DPYSL4: variants seen among roughly 807,000 people sequenced by gnomAD.
The protein encoded by DPYSL4 is dihydropyrimidinase like 4.
DPYSL4 carries 43 observed loss-of-function variants against 63.4 expected under a neutral mutation model. The ratio of observed to expected loss-of-function variants is 0.68; its 90% confidence interval spans 0.53 to 0.88. DPYSL4 has a LOEUF of 0.88. Ranked by LOEUF, DPYSL4 falls within the 40% of genes least tolerant of loss-of-function variation. The pLI is 0.00. For missense variants in DPYSL4, 733 were observed against 819.5 expected (o/e 0.89, Z 1.29); for synonymous variants, 353 against 331.7 (o/e 1.06, Z -0.70).
At chr10:132,202,232 C>T (rs776882638) in intron 11 of DPYSL4, 116 bp downstream of exon 11, 13 of 1,344,352 alleles carry the variant, frequency 9.7e-6, no homozygotes, top group Non-Finnish European at 1.3e-5. Flanking sequence ...TGGCCTCAGC[C>T]ATCCCAGGGC....
At chr10:132,203,442 G>A (rs931545262) in intron 12 of DPYSL4, 3 of 406,902 alleles carry the variant, frequency 7.4e-6, no homozygotes, top group East Asian at 3.7e-5. Flanking sequence ...ACAAGTGCAC[G>A]TGGGGCCTCG....
rs757669088 is a variant in DPYSL4 at position 132,201,976 on chromosome 10, G to A, written c.1141G>A (p.Val381Ile). ...ASGKMDENEF[V>I]AVTSTNAAKI... ...TGGGAAGATGGACGAGAATGAGTTC[G>A]TCGCGGTGACCAGTACAAATGCTGC... is the stretch of plus-strand genomic sequence containing the variant. Residue 381 changes from valine to isoleucine, a missense_variant, in exon 11 of 14, where the codon GTC becomes ATC. Physicochemically the swap from Val to Ile is conservative, Grantham distance 29. Coordinates refer to ENST00000338492, the MANE Select transcript of DPYSL4 (RefSeq NM_006426.3). 2.5e-6 allele frequency: 4 copies of A among 1,613,092 alleles called. No homozygotes were observed. Among genetic ancestry groups the A allele is most frequent in the Non-Finnish European group, 3.4e-6 (4 of 1,179,866 alleles).
intron 1 of DPYSL4, among the ~76,000 whole-genome samples, chr10:132,189,184 T>C (rs1185567212): frequency 2.0e-5 from 3 of 152,262 alleles, no homozygotes; most frequent in South Asian, 4.1e-4. Context: ...CGGACCTCCC[T>C]GTTAAATGCA....
At chr10:132,195,097 C>T in intron 4 of DPYSL4, 88 bp downstream of exon 4, 1 of 1,447,064 alleles carries the variant, frequency 6.9e-7, no homozygotes, top group Non-Finnish European at 9.2e-7. Context: ...GATGGTGCTG[C>T]TCTGCCCTGG....
rs907900815 is a variant in DPYSL4 at position 132,192,862 on chromosome 10, C to G, written c.313+20C>G. 5 of 1,586,378 alleles carry G rather than the reference C, an allele frequency of 3.2e-6. No homozygotes were observed. The African/African-American group carries it at 4.1e-5, about 13-fold the overall frequency. Reference sequence around the variant, plus strand: ...TGATCTGTGAGTGTCTGGGTCTCCTCCTCTACAGGGGGCAGCCAGCGTCTG... The same window carrying G: ...TGATCTGTGAGTGTCTGGGTCTCCTGCTCTACAGGGGGCAGCCAGCGTCTG... On this transcript the variant is annotated intron_variant, in intron 3 of 13. Transcript: ENST00000338492.
chr10:132,200,376 C>T lies in DPYSL4; in HGVS notation c.832C>T (p.Pro278Ser), dbSNP rs1158536211. Reference sequence around the variant, plus strand: ...TGCAGGGGTGGTCGTGTTTGGGGAGCCCATCACCGCCAGCCTGGGCACCGA... The same window carrying T: ...TGCAGGGGTGGTCGTGTTTGGGGAGTCCATCACCGCCAGCCTGGGCACCGA... ...KRRGVVVFGE[P>S]ITASLGTDGS... Residue 278 changes from proline (P) to serine (S), a missense_variant, in exon 9 of 14, where the codon CCC (proline) becomes TCC (serine). Pro to Ser is a moderately conservative substitution (Grantham distance 74). Transcript: ENST00000338492. 8 of 1,613,168 alleles carry T rather than the reference C, an allele frequency of 5.0e-6. No homozygotes were observed. The East Asian group carries it at 1.1e-4, about 22-fold the overall frequency.
At chr10:132,187,277 G>C (rs2061809427) in intron 1 of DPYSL4, among the ~76,000 whole-genome samples, 175 bp downstream of exon 1, 2 of 151,462 alleles carry the variant, frequency 1.3e-5, no homozygotes, top group South Asian at 4.2e-4. Context: ...CAGGGTCCGA[G>C]AGTCCCCGCT....
At position 132,191,572 on chromosome 10, in the gene DPYSL4, AT is replaced by A. The variant is rs57990544; in HGVS notation, c.128+738del. 1.0e-3 allele frequency among the ~76,000 whole-genome samples: 31 copies of A among 30,778 alleles called. 4 individuals are homozygous for A. Among genetic ancestry groups the A allele is most frequent in the East Asian group, 6.0e-3 (1 of 166 alleles). The allele number at this position is 30,778 out of a possible 152,430, so 20.2% of individuals were successfully genotyped here. On this transcript the variant is annotated intron_variant, in intron 2 of 13. Transcript: ENST00000338492. Reference sequence around the variant, plus strand: ...ACATGGTATCCAGGCAGGTTAAAGTATGTTCCCAGCTCGTGTGTACACGCTG... The same window carrying A: ...ACATGGTATCCAGGCAGGTTAAAGTAGTTCCCAGCTCGTGTGTACACGCTG...
At chr10:132,197,888 A>G (rs1423524127) in intron 6 of DPYSL4, among the ~76,000 whole-genome samples, 4 of 152,206 alleles carry the variant, frequency 2.6e-5, no homozygotes, top group Non-Finnish European at 5.9e-5. Flanking sequence ...CTGCACCGTC[A>G]GGAGGTTGTC....
In DPYSL4 at chr10:132,202,122, A is replaced by G; in HGVS notation, c.1281+6A>G. The G allele has an allele frequency of 6.2e-7, 1 of 1,609,194 alleles. No individual in the cohort carries two copies. The highest frequency in any genetic ancestry group is 8.5e-7 in the Non-Finnish European group (1 of 1,177,662). On this transcript the variant is annotated splice_donor_region_variant and intron_variant, in intron 11 of 13. Coordinates refer to ENST00000338492, the MANE Select transcript of DPYSL4 (RefSeq NM_006426.3). ...CTGCCAAGACCCACAATCTGGTAAGAGAAGGCGGCTGTAAGTCAGGGTTGG... is the reference window on the plus strand; with the variant it reads ...CTGCCAAGACCCACAATCTGGTAAGGGAAGGCGGCTGTAAGTCAGGGTTGG...
rs1326980515 is a variant in DPYSL4, at chr10:132,204,948, T to A, written c.*18T>A. 2 of 1,597,028 alleles carry A rather than the reference T, an allele frequency of 1.3e-6. No homozygotes were observed. The highest frequency in any genetic ancestry group is 1.7e-4 in the Middle Eastern group (1 of 5,994). On this transcript the variant is annotated 3_prime_UTR_variant, in exon 14 of 14. Coordinates refer to ENST00000338492, the MANE Select transcript of DPYSL4 (RefSeq NM_006426.3). ...TCTCCTAGACGCCCAGGACCGGCCCTGTGAGCCGTGCTGGCCCCACCCGAG... is the reference window on the plus strand; with the variant it reads ...TCTCCTAGACGCCCAGGACCGGCCCAGTGAGCCGTGCTGGCCCCACCCGAG...
intron 10 of DPYSL4, among the ~76,000 whole-genome samples, chr10:132,201,216 C>T (rs1301579416): frequency 6.6e-6 from 1 of 152,156 alleles, no homozygotes; most frequent in Non-Finnish European, 1.5e-5. Context: ...CACCCCTCAG[C>T]AGACTCTAGT....
rs780035285 is a variant in DPYSL4 at position 132,204,962 on chromosome 10, G to GCC, written c.*35_*36dup. 39 of 1,565,174 alleles carry GCC rather than the reference G, an allele frequency of 2.5e-5. 1 individual carries two copies. In the African/African-American group the frequency reaches 3.3e-4, roughly 13 times the overall value. ...AGGACCGGCCCTGTGAGCCGTGCTG[G>GCC]CCCCACCCGAGGCCGCGGGGGCCCC... is the stretch of plus-strand genomic sequence containing the variant. On this transcript the variant is annotated 3_prime_UTR_variant, in exon 14 of 14. Transcript: ENST00000338492.
chr10:132,198,593 C>G, intron 7 of DPYSL4, 110 bp downstream of exon 7: 2 of 1,210,810 alleles, frequency 1.7e-6, no homozygotes, highest in Non-Finnish European at 2.3e-6. Flanking sequence ...ACTGTGCTCG[C>G]CCCGACCTCA....
At chr10:132,188,363 C>T (rs1208874676) in intron 1 of DPYSL4, among the ~76,000 whole-genome samples, 2 of 152,226 alleles carry the variant, frequency 1.3e-5, no homozygotes, top group Admixed American at 1.3e-4. Flanking sequence ...AGAGCCCAGA[C>T]CACACGTCTC....
intron 4 of DPYSL4, 34 bp downstream of exon 4, chr10:132,195,043 TGGAGCCTGGTGGA>T: frequency 6.3e-7 from 1 of 1,581,922 alleles, no homozygotes; most frequent in Non-Finnish European, 8.5e-7. Context: ...AGGGCGGGCA[TGGAGCCTGGTGGA>T]GGAGCCTCTG....
intron 1 of DPYSL4, among the ~76,000 whole-genome samples, chr10:132,188,359 C>G (rs988531724): frequency 6.6e-6 from 1 of 152,226 alleles, no homozygotes; most frequent in Non-Finnish European, 1.5e-5. Flanking sequence ...GCAGAGAGCC[C>G]AGACCACACG....
chr10:132,202,285 T>C (rs575534091), intron 11 of DPYSL4, among the ~76,000 whole-genome samples, 169 bp downstream of exon 11: 1 of 152,340 alleles, frequency 6.6e-6, no homozygotes, highest in East Asian at 1.9e-4. Context: ...AAATGGGCCC[T>C]GTCCACGTCA....
At chr10:132,199,066 T>TCTCCC in intron 8 of DPYSL4, 95 bp downstream of exon 8, 2 of 1,489,602 alleles carry the variant, frequency 1.3e-6, no homozygotes, top group East Asian at 2.3e-5. Context: ...AGTCCCTGCA[T>TCTCCC]CGGGGCGGGG....
Sources: allele counts gnomAD v4.1 joint callset (sites outside exome capture counted in the v4.1 genomes callset), GRCh38; gene constraint gnomAD v4.1.1; transcripts MANE v1.5; gene names NCBI Gene and HGNC (gene_info 2026-07-23, HGNC 2026-07-21).